The following PLXND1 variants were observed in gnomAD, a reference collection of about 807,000 sequenced individuals.
PLXND1 encodes the protein plexin-D1.
Under a neutral mutation model 197.7 loss-of-function variants are expected in PLXND1, and 54 were observed. The ratio of observed to expected loss-of-function variants is 0.27; its 90% CI spans 0.22 to 0.34. The LOEUF is 0.34. Among genes scored for constraint, PLXND1 ranks in the 10% least tolerant of loss-of-function variants. The probability of loss-of-function intolerance (pLI) is 1.00; values close to 1 mark genes in which losing one functional copy is unlikely to be tolerated. For synonymous variants in PLXND1, 1,180 were observed against 1,161.2 expected (o/e 1.02, Z -0.33); for missense variants, 2,127 against 2,699.2 (o/e 0.79, Z 4.70).
rs750289357 is a variant in PLXND1, at chr3:129,560,444, CG to C, written c.5029-11del. The stretch of plus-strand genomic sequence containing the variant: ...CGTCCGTAGGCAGCACCTGGGAGGC[CG>C]GGCAGTGGTCAGTGTCCGCACCAGG... On this transcript the variant is annotated splice_polypyrimidine_tract_variant and intron_variant, in intron 30 of 35. Transcript: ENST00000324093. 1.9e-6 allele frequency: 3 copies of C among 1,594,638 alleles called. No individual in the cohort carries two copies. The highest frequency in any genetic ancestry group is 2.6e-6 in the Non-Finnish European group (3 of 1,163,116).
chr3:129,590,109 G>T, intron 1 of PLXND1, among the ~76,000 whole-genome samples: 1 of 152,130 alleles, frequency 6.6e-6, no homozygotes, highest in East Asian at 1.9e-4. Context: ...CCAGGTGGAG[G>T]CCTCCCTAAA....
intron 7 of PLXND1, 116 bp from the exon 8 acceptor site, chr3:129,583,785 C>T (rs967637098): frequency 8.6e-6 from 6 of 694,370 alleles, no homozygotes; most frequent in Non-Finnish European, 1.5e-5. Flanking sequence ...TTCTCATCAT[C>T]GGGGCTGCCT....
intron 15 of PLXND1, 64 bp downstream of exon 15, chr3:129,572,545 C>A: frequency 1.4e-6 from 2 of 1,379,744 alleles, no homozygotes; most frequent in East Asian, 2.6e-5. Flanking sequence ...ACCTCCAGCC[C>A]GCCAGCCCCC....
chr3:129,560,500 G>T (rs1250501941), intron 30 of PLXND1, 66 bp from the exon 31 acceptor site: 4 of 1,172,782 alleles, frequency 3.4e-6, no homozygotes, highest in Non-Finnish European at 5.1e-6. Context: ...TGGGAGGTCT[G>T]GCTCTGCCAT....
intron 27 of PLXND1, 31 bp from the exon 28 acceptor site, chr3:129,561,934 C>T (rs749236439): frequency 6.5e-5 from 99 of 1,524,080 alleles, no homozygotes; most frequent in South Asian, 1.1e-4. Context: ...CATCAGGGTC[C>T]GGGCAGGGAG....
rs2084986960 is a variant in PLXND1 at position 129,557,162 on chromosome 3, T to C, written c.5507A>G (p.Gln1836Arg). The C allele has an allele frequency of 1.2e-6, 2 of 1,613,934 alleles. No homozygotes were observed. The highest frequency in any genetic ancestry group is 1.3e-5 in the African/African-American group (1 of 75,042). The change falls in exon 34 of 36, where the codon CAG (glutamine) becomes CGG (arginine). Residue 1836 changes from glutamine to arginine, a missense_variant. By Grantham distance (43) the Gln-to-Arg change is conservative. Around this residue, in one of 6 missense-constraint regions of PLXND1, gnomAD observed 200 missense variants for 303.3 expected, o/e 0.66. Coordinates refer to ENST00000324093, the MANE Select transcript of PLXND1 (RefSeq NM_015103.3). This position sits in a 1 kb window ranked among gnomAD's most constrained non-coding sequence, Gnocchi z 4.8. ...KEIPEYRKIV[Q>R]RYYKQIQDMT... ...GTCCTGGATCTGCTTGTAGTAGCGC[T>C]GCACGATCTTCCGGTACTCAGGAAT... is the stretch of plus-strand genomic sequence containing the variant.
chr3:129,570,121 G>A (rs1258711812), intron 19 of PLXND1, among the ~76,000 whole-genome samples, 164 bp from the exon 20 acceptor site: 1 of 152,194 alleles, frequency 6.6e-6, no homozygotes, highest in Non-Finnish European at 1.5e-5. Flanking sequence ...GGGACACTGG[G>A]AAGGCTAAAT....
chr3:129,571,281 G>T lies in PLXND1; in HGVS notation c.3359C>A (p.Thr1120Asn), dbSNP rs746126985. The T allele has an allele frequency of 6.2e-7, 1 of 1,613,454 alleles. No homozygotes were observed. Among genetic ancestry groups the T allele is most frequent in the Non-Finnish European group, 8.5e-7 (1 of 1,179,702 alleles). The change falls in exon 18 of 36, where the codon ACC becomes AAC. Residue 1120 changes from threonine to asparagine, a missense_variant. Transcript: ENST00000324093. ...EPTLCKVLNS[T>N]LITCPSPGAL... Reference sequence around the variant, plus strand: ...CCCGGGGGACGGGCAGGTGATGAGGGTGGAGTTGAGAACCTTGCAGAGCTG... The same window carrying T: ...CCCGGGGGACGGGCAGGTGATGAGGTTGGAGTTGAGAACCTTGCAGAGCTG...
Position 129,571,693 on chromosome 3 carries a change from G to T in PLXND1, c.3229C>A (p.Arg1077Ser). 1 of 1,613,922 alleles carries T rather than the reference G, an allele frequency of 6.2e-7. No homozygotes were observed. The part of the protein sequence containing the change: ...QNPVITAISP[R>S]RSPVSGGRTI... Reference sequence around the variant, plus strand: ...CAGTCTCACCTGACAGGGCTGCGGCGGGGACTGATGGCCGTGATGACCGGG... The same window carrying T: ...CAGTCTCACCTGACAGGGCTGCGGCTGGGACTGATGGCCGTGATGACCGGG... Residue 1077 changes from arginine to serine, a missense_variant, in exon 16 of 36, where the codon CGC becomes AGC. Around this residue, in one of 6 missense-constraint regions of PLXND1, gnomAD observed 532 missense variants for 811.0 expected, o/e 0.66. Coordinates refer to ENST00000324093, the MANE Select transcript of PLXND1 (RefSeq NM_015103.3).
intron 7 of PLXND1, among the ~76,000 whole-genome samples, chr3:129,583,900 A>T: frequency 6.6e-6 from 1 of 152,250 alleles, no homozygotes; most frequent in East Asian, 1.9e-4. Flanking sequence ...GAGTATAATC[A>T]AAGCACTTTG....
Position 129,606,102 on chromosome 3 carries a change from G to A in PLXND1, c.538C>T (p.Leu180=). 6.5e-7 allele frequency: 1 copy of A among 1,545,350 alleles called. No homozygotes were observed. Among genetic ancestry groups the A allele is most frequent in the Non-Finnish European group, 8.7e-7 (1 of 1,151,840 alleles). The change falls in exon 1 of 36, where the codon CTG becomes TTG. Residue 180 remains leucine, a synonymous_variant. Coordinates refer to ENST00000324093, the MANE Select transcript of PLXND1 (RefSeq NM_015103.3). ...AEPVTVFPSM[L]NVAANHPNAS... is the part of the protein sequence containing the mutation. ...TTCGGGTGGTTGGCCGCCACGTTCA[G>A]CATGCTGGGGAACACCGTGACGGGC...
intron 29 of PLXND1, chr3:129,561,048 TGGAGGGACTTGGAA>T (rs1560058938): frequency 2.1e-6 from 1 of 471,728 alleles, no homozygotes; most frequent in South Asian, 1.6e-5. Flanking sequence ...TGACCCGGGA[TGGAGGGACTTGGAA>T]GGAGGGACAG....
chr3:129,573,042 A>G, intron 13 of PLXND1, 101 bp from the exon 14 acceptor site: 2 of 756,730 alleles, frequency 2.6e-6, no homozygotes, highest in Non-Finnish European at 4.6e-6. Context: ...CCACACTTCC[A>G]ATGCCTTCTA....
rs528635984 is a variant in PLXND1, at chr3:129,571,101, G to A, written c.3539C>T (p.Thr1180Met). Reference sequence around the variant, plus strand: ...CTTGATCCACTTCTCCCTCTTGGCCGTAGAGAACTGTGGGTTGGGGAGGTA... The same window carrying A: ...CTTGATCCACTTCTCCCTCTTGGCCATAGAGAACTGTGGGTTGGGGAGGTA... ...LDYLPNPQFS[T>M]AKREKWIKHH... The change falls in exon 18 of 36, where the codon ACG becomes ATG. Residue 1180 changes from threonine (T) to methionine (M), a missense_variant. Physicochemically the swap from Thr to Met is moderately conservative, Grantham distance 81. Coordinates refer to ENST00000324093, the MANE Select transcript of PLXND1 (RefSeq NM_015103.3). 34 of 1,614,180 alleles carry A rather than the reference G, an allele frequency of 2.1e-5. No individual in the cohort carries two copies. Among genetic ancestry groups the A allele is most frequent in the African/African-American group, 2.7e-5 (2 of 75,060 alleles).
At chr3:129,604,091 G>A (rs1328720919) in intron 1 of PLXND1, among the ~76,000 whole-genome samples, 1 of 152,228 alleles carries the variant, frequency 6.6e-6, no homozygotes, top group African/African-American at 2.4e-5. Context: ...CCGCACCCTT[G>A]TCATGTCAAC....
intron 11 of PLXND1, 40 bp downstream of exon 11, chr3:129,575,427 ACT>A (rs1243174439): frequency 8.0e-7 from 1 of 1,249,896 alleles, no homozygotes; most frequent in Admixed American, 2.0e-5. Context: ...CACCCACTGC[ACT>A]GAGGCCCCGA....
chr3:129,559,579 C>T (rs1470189578), intron 32 of PLXND1, 41 bp downstream of exon 32: 2 of 1,520,654 alleles, frequency 1.3e-6, no homozygotes, highest in Non-Finnish European at 1.8e-6. Flanking sequence ...ACAGGGGCCC[C>T]AGTGGCACAG....
chr3:129,558,210 C>A lies in PLXND1; in HGVS notation c.5445+218G>T, dbSNP rs2085002458. On this transcript the variant is annotated intron_variant, in intron 33 of 35. Coordinates refer to ENST00000324093, the MANE Select transcript of PLXND1 (RefSeq NM_015103.3). This position sits in a 1 kb window ranked among gnomAD's most constrained non-coding sequence, Gnocchi z 4.1. Reference sequence around the variant, plus strand: ...CACAGCTGCAGCATGTGCAGTTGGTCTGCAGCGATACAGAGTTTCTGATGG... The same window carrying A: ...CACAGCTGCAGCATGTGCAGTTGGTATGCAGCGATACAGAGTTTCTGATGG... 6.6e-6 allele frequency among the ~76,000 whole-genome samples: 1 copy of A among 152,226 alleles called. No individual in the cohort carries two copies. The highest frequency in any genetic ancestry group is 1.5e-5 in the Non-Finnish European group (1 of 68,036).
Position 129,557,093 on chromosome 3 carries a change from T to C in PLXND1, c.5576A>G (p.Glu1859Gly). Residue 1859 changes from glutamate (E) to glycine (G), a missense_variant, in exon 34 of 36, where the codon GAG becomes GGG. Glu to Gly is a moderately conservative substitution (Grantham distance 98). Transcript: ENST00000324093. The surrounding 1 kb of genome is among the most constrained non-coding windows in gnomAD (Gnocchi z 4.8). ...GCCGAGCCACCGCACCCTCGACTCC[T>C]CGGCCAGATGGGCATTCATCTCTTG... ...SEQEMNAHLAEESRKYQNEFN... is the reference protein window; with the variant it reads ...SEQEMNAHLAGESRKYQNEFN... The C allele has an allele frequency of 2.5e-6, 4 of 1,612,910 alleles. No homozygotes were observed. The highest frequency in any genetic ancestry group is 3.4e-6 in the Non-Finnish European group (4 of 1,179,488).
Sources: gnomAD v4.1 joint callset for allele counts (sites outside exome capture counted in the v4.1 genomes callset) on GRCh38, gnomAD v4.1.1 for gene constraint, gnomAD v4.1.1 regional missense constraint, Gnocchi (gnomAD v3.1) non-coding constraint, MANE v1.5 for transcripts, NCBI Gene and HGNC (gene_info 2026-07-23, HGNC 2026-07-21) for gene names.